PCDHGB2: variants seen among roughly 807,000 people sequenced by gnomAD.
PCDHGB2 encodes the protein protocadherin gamma subfamily B, 2, also known as protocadherin gamma-B2.
PCDHGB2 carries 55 observed loss-of-function variants against 59.3 expected under a neutral mutation model. The ratio of observed to expected loss-of-function variants is 0.93; its 90% CI spans 0.75 to 1.16. The LOEUF is 1.16. Among genes scored for constraint, PCDHGB2 ranks in the 50% most tolerant of loss-of-function variants. The pLI is 0.00. For synonymous variants in PCDHGB2, 516 were observed against 512.0 expected, an observed-to-expected ratio of 1.01 and a Z score of -0.11; for missense variants, 1,228 against 1,198.5, an observed-to-expected ratio of 1.02 and a Z score of -0.36.
intron 1 of PCDHGB2, chr5:141,427,328 T>G (rs951396612): frequency 1.6e-4 from 74 of 457,122 alleles, no homozygotes; most frequent in Admixed American, 1.2e-3. Context: ...TGGTTTTTAC[T>G]TCAGTGTCCA....
chr5:141,392,280 G>A (rs1299678398), intron 1 of PCDHGB2: 3 of 152,190 alleles, frequency 2.0e-5, no homozygotes, highest in African/African-American at 7.2e-5. Context: ...AAAGCTTAGA[G>A]CACAATGGGA....
chr5:141,406,183 C>T (rs1048428263), intron 1 of PCDHGB2, among the ~76,000 whole-genome samples: 5 of 151,756 alleles, frequency 3.3e-5, no homozygotes, highest in Admixed American at 6.6e-5. Flanking sequence ...TGCAATCCTC[C>T]CACCTCAGCC....
chr5:141,384,022 G>C, intron 1 of PCDHGB2: 3 of 1,613,680 alleles, frequency 1.9e-6, no homozygotes, highest in Non-Finnish European at 2.5e-6. Context: ...ACAAGACAGA[G>C]ATTCTGGAAA....
intron 1 of PCDHGB2, chr5:141,375,512 C>T (rs1300082311): frequency 1.3e-5 from 21 of 1,613,936 alleles, no homozygotes; most frequent in Non-Finnish European, 1.7e-5. Flanking sequence ...TGTGAATGCA[C>T]TGGACCCTGA....
At chr5:141,408,797 C>T (rs965305130) in intron 1 of PCDHGB2, 1 of 1,612,958 alleles carries the variant, frequency 6.2e-7, no homozygotes, top group African/African-American at 1.3e-5. Flanking sequence ...TCTGGAGAAA[C>T]TCCTAGACCG....
chr5:141,427,381 T>G (rs1315804574), intron 1 of PCDHGB2: 1 of 458,822 alleles, frequency 2.2e-6, no homozygotes, highest in Middle Eastern at 3.2e-4. Context: ...GTGATCACTC[T>G]GTTCAAAACA....
At chr5:141,428,312 C>A in intron 1 of PCDHGB2, 1 of 671,484 alleles carries the variant, frequency 1.5e-6, no homozygotes, top group Non-Finnish European at 2.7e-6. Flanking sequence ...CTGGTCGTGG[C>A]CTTGGCCTTG....
At position 141,490,376 on chromosome 5, in the gene PCDHGB2, CA is replaced by C; in HGVS notation, c.2422-4430del. 1 of 1,614,184 alleles carries C rather than the reference CA, an allele frequency of 6.2e-7. No individual in the cohort carries two copies. Among genetic ancestry groups the C allele is most frequent in the African/African-American group, 1.3e-5 (1 of 75,030 alleles). On this transcript the variant is annotated intron_variant, in intron 1 of 3. Coordinates refer to ENST00000522605, the MANE Select transcript of PCDHGB2 (RefSeq NM_018923.3). This position sits in a 1 kb window ranked among gnomAD's most constrained non-coding sequence, Gnocchi z 5.4. ...TTGTTTAATGTGCGAGACCGGGACTCAGGTAGAAATGGTGAAGTGAGCCTTG... is the reference window on the plus strand; with the variant it reads ...TTGTTTAATGTGCGAGACCGGGACTCGGTAGAAATGGTGAAGTGAGCCTTG...
At chr5:141,400,799 G>A in intron 1 of PCDHGB2, 1 of 553,494 alleles carries the variant, frequency 1.8e-6, no homozygotes, top group Non-Finnish European at 3.2e-6. Context: ...CTTTCTCAAA[G>A]CTAATGAATT....
intron 1 of PCDHGB2, chr5:141,403,193 A>G (rs1291009856): frequency 1.9e-6 from 3 of 1,613,986 alleles, no homozygotes; most frequent in South Asian, 2.2e-5. Context: ...GAACCCGCGC[A>G]GCGGCACCTT....
At chr5:141,389,111 C>T (rs752785695) in intron 1 of PCDHGB2, 4 of 1,614,008 alleles carry the variant, frequency 2.5e-6, no homozygotes, top group South Asian at 1.1e-5. Flanking sequence ...CTGTTCTAGA[C>T]CGCGAGCAGA....
At chr5:141,429,814 T>C (rs554065871) in intron 1 of PCDHGB2, among the ~76,000 whole-genome samples, 3 of 152,322 alleles carry the variant, frequency 2.0e-5, no homozygotes, top group African/African-American at 7.2e-5. Flanking sequence ...TAATTACAAT[T>C]AGGTCAGTTA....
rs2099629299 is a variant in PCDHGB2, at chr5:141,486,426, A to G, written c.2422-8381A>G. ...GCTGGACCCTTGGATCGAGAGGCCA[A>G]ATCTAGCTATGACATCATGGTCACT... On this transcript the variant is annotated intron_variant, in intron 1 of 3. Transcript: ENST00000522605. The surrounding 1 kb of genome is among the most constrained non-coding windows in gnomAD (Gnocchi z 5.0). 1.9e-6 allele frequency: 3 copies of G among 1,614,190 alleles called. No individual in the cohort carries two copies. Among genetic ancestry groups the G allele is most frequent in the Non-Finnish European group, 2.5e-6 (3 of 1,180,026 alleles).
rs558513172 is a variant in PCDHGB2 at position 141,424,015 on chromosome 5, A to T, written c.2421+61459A>T. The T allele has an allele frequency of 3.0e-5, 32 of 1,060,896 alleles. No individual in the cohort carries two copies. The Admixed American group carries it at 3.2e-4, about 11-fold the overall frequency. The allele number at this position is 1,060,896 out of a possible 1,614,324, so 65.7% of individuals were successfully genotyped here. A position where few individuals can be genotyped will look rare whatever the true frequency, so the allele number is the denominator to read the frequency against. ...TATTATATATAGATACAAATTAATGATTCACAAACACTTTTTATTTCCATT... is the reference window on the plus strand; with the variant it reads ...TATTATATATAGATACAAATTAATGTTTCACAAACACTTTTTATTTCCATT... On this transcript the variant is annotated intron_variant, in intron 1 of 3. Transcript: ENST00000522605.
Position 141,362,035 on chromosome 5 carries a change from G to A in PCDHGB2, c.1900G>A (p.Asp634Asn). 1.2e-6 allele frequency: 2 copies of A among 1,609,742 alleles called. No individual in the cohort carries two copies. Among genetic ancestry groups the A allele is most frequent in the South Asian group, 1.1e-5 (1 of 90,976 alleles). The part of the protein sequence containing the change: ...GEVRTARALG[D>N]RDAARQRLLV... Reference sequence around the variant, plus strand: ...GGTGCGCACAGCGCGTGCCTTGGGCGACAGGGACGCGGCCCGCCAGCGCCT... The same window carrying A: ...GGTGCGCACAGCGCGTGCCTTGGGCAACAGGGACGCGGCCCGCCAGCGCCT... Residue 634 changes from aspartate (D) to asparagine (N), a missense_variant, in exon 1 of 4, where the codon GAC (aspartate) becomes AAC (asparagine). Physicochemically the swap from Asp to Asn is conservative, Grantham distance 23. This residue lies in a region of PCDHGB2 where 433 missense variants were observed against 441.8 expected (regional missense o/e 0.98). Coordinates refer to ENST00000522605, the MANE Select transcript of PCDHGB2 (RefSeq NM_018923.3).
chr5:141,501,412 T>C (rs1479005426), intron 2 of PCDHGB2, among the ~76,000 whole-genome samples: 7 of 151,550 alleles, frequency 4.6e-5, no homozygotes, highest in African/African-American at 1.7e-4. Context: ...GCTTGGAAAA[T>C]AGTTGACTAA....
At chr5:141,404,319 C>T in intron 1 of PCDHGB2, 3 of 1,613,900 alleles carry the variant, frequency 1.9e-6, no homozygotes, top group East Asian at 4.5e-5. Context: ...TCTCAAGCCT[C>T]CTACTCAGTC....
intron 1 of PCDHGB2, chr5:141,382,734 G>A: frequency 1.8e-6 from 1 of 566,662 alleles, no homozygotes; most frequent in South Asian, 3.4e-5. Context: ...ACAGCACAGA[G>A]AAACGACAGA....
rs753872678 is a variant in PCDHGB2, at chr5:141,431,407, C to G, written c.2422-63400C>G. 4 of 1,613,716 alleles carry G rather than the reference C, an allele frequency of 2.5e-6. No individual in the cohort carries two copies. Among genetic ancestry groups the G allele is most frequent in the Non-Finnish European group, 3.4e-6 (4 of 1,180,048 alleles). The stretch of plus-strand genomic sequence containing the variant: ...ACCACCTGGTCCTTACGGCCTCCGA[C>G]GGGGGCGACCCGGTGCGCACAGGCA... On this transcript the variant is annotated intron_variant, in intron 1 of 3. Coordinates refer to ENST00000522605, the MANE Select transcript of PCDHGB2 (RefSeq NM_018923.3). This position sits in a 1 kb window ranked among gnomAD's most constrained non-coding sequence, Gnocchi z 4.8.
Sources: gnomAD v4.1 joint callset for allele counts (sites outside exome capture counted in the v4.1 genomes callset) on GRCh38, gnomAD v4.1.1 for gene constraint, gnomAD v4.1.1 regional missense constraint, Gnocchi (gnomAD v3.1) non-coding constraint, MANE v1.5 for transcripts, NCBI Gene and HGNC (gene_info 2026-07-23, HGNC 2026-07-21) for gene names.